Variants in CAMTA1 observed in about 807,000 individuals in gnomAD.
CAMTA1 encodes the protein calmodulin binding transcription activator 1.
Under a neutral mutation model 170.9 loss-of-function variants are expected in CAMTA1, and 27 were observed. The observed-to-expected ratio is 0.16, with a 90% confidence interval of 0.12 to 0.22. The LOEUF is 0.22. Ranked by LOEUF, CAMTA1 falls within the 10% of genes least tolerant of loss-of-function variation. The pLI, the probability that CAMTA1 is intolerant of heterozygous loss-of-function variation, is 1.00. For missense variants in CAMTA1, 1,619 were observed against 2,217.2 expected, an observed-to-expected ratio of 0.73 and a Z score of 5.42; for synonymous variants, 833 against 891.5, an observed-to-expected ratio of 0.93 and a Z score of 1.17.
rs533118972 is a variant in CAMTA1, at chr1:7,493,308, C to T, written c.510+25407C>T. On this transcript the variant is annotated intron_variant, in intron 6 of 22. Coordinates refer to ENST00000303635, the MANE Select transcript of CAMTA1 (RefSeq NM_015215.4). ...GCGCACAAACACAAACATACAAATG[C>T]GCACACAAACAAACCTACGTACACA... Among the ~76,000 whole-genome samples, 428 of 81,028 alleles carry T rather than the reference C, an allele frequency of 5.3e-3. 7 individuals are homozygous for T. Among genetic ancestry groups the T allele is most frequent in the African/African-American group, 0.031 (384 of 12,586 alleles). The allele number at this position is 81,028 out of a possible 152,430, so 53.2% of individuals were successfully genotyped here.
intron 3 of CAMTA1, among the ~76,000 whole-genome samples, chr1:7,084,017 C>T (rs995614801): frequency 6.6e-6 from 1 of 151,738 alleles, no homozygotes. Flanking sequence ...CAGATAAAAC[C>T]CTTATGCAGA....
At chr1:7,507,109 C>G (rs915175678) in intron 6 of CAMTA1, among the ~76,000 whole-genome samples, 3 of 151,982 alleles carry the variant, frequency 2.0e-5, no homozygotes, top group Admixed American at 2.0e-4. Flanking sequence ...CTTACATGCT[C>G]ACCCTCTAAC....
intron 5 of CAMTA1, among the ~76,000 whole-genome samples, chr1:7,256,110 G>A (rs1371732966): frequency 6.6e-6 from 1 of 152,166 alleles, no homozygotes; most frequent in Non-Finnish European, 1.5e-5. Context: ...CTGTTACCTG[G>A]ATGTGTTTTG....
intron 4 of CAMTA1, among the ~76,000 whole-genome samples, chr1:7,214,577 G>A (rs1407027730): frequency 2.0e-5 from 3 of 152,050 alleles, no homozygotes; most frequent in African/African-American, 7.2e-5. Context: ...CACGTTAGCC[G>A]GGATGGTCTT....
intron 5 of CAMTA1, among the ~76,000 whole-genome samples, chr1:7,413,097 T>G (rs1331228054): frequency 1.3e-5 from 2 of 151,018 alleles, no homozygotes; most frequent in Non-Finnish European, 3.0e-5. Context: ...AGGGCTCTGT[T>G]CTGTTCCATT....
intron 5 of CAMTA1, among the ~76,000 whole-genome samples, chr1:7,349,968 G>A (rs1013038987): frequency 1.3e-5 from 2 of 152,162 alleles, no homozygotes; most frequent in Non-Finnish European, 2.9e-5. Context: ...GAAGGGAAGA[G>A]GGATGGGGTC....
rs1440749282 is a variant in CAMTA1, at chr1:7,611,240, A to AT, written c.511-29157dup. Among the ~76,000 whole-genome samples, 8 of 152,214 alleles carry AT rather than the reference A, an allele frequency of 5.3e-5. No homozygotes were observed. In the East Asian group the frequency reaches 1.5e-3, roughly 29 times the overall value. On this transcript the variant is annotated intron_variant, in intron 6 of 22. Coordinates refer to ENST00000303635, the MANE Select transcript of CAMTA1 (RefSeq NM_015215.4). Reference sequence around the variant, plus strand: ...CTGGGGGGCTGCTGAGTCTGTGTTTATTTATCACGTTGATATTTTGTTCAT... The same window carrying AT: ...CTGGGGGGCTGCTGAGTCTGTGTTTATTTTATCACGTTGATATTTTGTTCAT...
Position 7,234,889 on chromosome 1 carries a change from C to T in CAMTA1, c.303-14602C>T, listed in dbSNP as rs777761776. On this transcript the variant is annotated intron_variant, in intron 4 of 22. Transcript: ENST00000303635. This position sits in a 1 kb window ranked among gnomAD's most constrained non-coding sequence, Gnocchi z 5.0. The stretch of plus-strand genomic sequence containing the variant: ...GCAACCTCCACTTCCCAGGTTCAAG[C>T]GATTCTTGCACCTCAGCCTCATGAG... Among the ~76,000 whole-genome samples, 1 of 150,658 alleles carries T rather than the reference C, an allele frequency of 6.6e-6. No homozygotes were observed. Among genetic ancestry groups the T allele is most frequent in the Admixed American group, 6.6e-5 (1 of 15,040 alleles).
chr1:6,932,675 A>G (rs1443546421), intron 3 of CAMTA1, among the ~76,000 whole-genome samples: 1 of 152,114 alleles, frequency 6.6e-6, no homozygotes, highest in Non-Finnish European at 1.5e-5. Flanking sequence ...AGTCTTTGTC[A>G]TTTTAGCCAT....
chr1:7,325,237 C>A lies in CAMTA1; in HGVS notation c.438+75611C>A, dbSNP rs535465850. Among the ~76,000 whole-genome samples the A allele has an allele frequency of 6.6e-6, 1 of 152,008 alleles. No individual in the cohort carries two copies. Among genetic ancestry groups the A allele is most frequent in the African/African-American group, 2.4e-5 (1 of 41,368 alleles). ...ACAGATTCTAAACAATAAACATCCA[C>A]GAGGAAATGATAGAAGATATCAGAA... On this transcript the variant is annotated intron_variant, in intron 5 of 22. Transcript: ENST00000303635. This position sits in a 1 kb window ranked among gnomAD's most constrained non-coding sequence, Gnocchi z 5.0.
At chr1:6,942,280 C>A (rs1031535057) in intron 3 of CAMTA1, among the ~76,000 whole-genome samples, 5 of 152,172 alleles carry the variant, frequency 3.3e-5, no homozygotes, top group Non-Finnish European at 5.9e-5. Flanking sequence ...GTGACATTAA[C>A]CTTATATATG....
intron 6 of CAMTA1, among the ~76,000 whole-genome samples, chr1:7,567,889 G>A (rs747964936): frequency 2.6e-5 from 4 of 152,188 alleles, no homozygotes; most frequent in Non-Finnish European, 4.4e-5. Flanking sequence ...TTAACCATTT[G>A]TCCTCAGGTA....
At position 7,641,363 on chromosome 1, in the gene CAMTA1, C is replaced by A. The variant is rs182649184; in HGVS notation, c.664+810C>A. On this transcript the variant is annotated intron_variant, in intron 7 of 22. Transcript: ENST00000303635. This position sits in a 1 kb window ranked among gnomAD's most constrained non-coding sequence, Gnocchi z 4.5. Reference sequence around the variant, plus strand: ...GGGCAAGGACCTGCCATCAGCAGGGCCTGAGGGGGTGGGTCAGTGGCTCAC... The same window carrying A: ...GGGCAAGGACCTGCCATCAGCAGGGACTGAGGGGGTGGGTCAGTGGCTCAC... 1.3e-5 allele frequency among the ~76,000 whole-genome samples: 2 copies of A among 152,280 alleles called. No individual in the cohort carries two copies. Among genetic ancestry groups the A allele is most frequent in the African/African-American group, 4.8e-5 (2 of 41,558 alleles).
intron 3 of CAMTA1, among the ~76,000 whole-genome samples, chr1:6,836,950 T>TG (rs1184697292): frequency 6.6e-6 from 1 of 151,474 alleles, no homozygotes; most frequent in Non-Finnish European, 1.5e-5. Context: ...GTTCTTTTTT[T>TG]TTTTTTTTTG....
chr1:6,810,941 A>G (rs890098399), intron 1 of CAMTA1, among the ~76,000 whole-genome samples: 3 of 152,322 alleles, frequency 2.0e-5, no homozygotes, highest in South Asian at 4.1e-4. Flanking sequence ...GAGGATGCAG[A>G]TGGAAAAACG....
intron 1 of CAMTA1, among the ~76,000 whole-genome samples, chr1:6,792,453 A>G (rs934562569): frequency 6.6e-6 from 1 of 151,738 alleles, no homozygotes; most frequent in Non-Finnish European, 1.5e-5. Context: ...TCCTGTGTAA[A>G]GATTGGTACT....
intron 6 of CAMTA1, among the ~76,000 whole-genome samples, chr1:7,593,593 G>A (rs576528445): frequency 1.9e-4 from 29 of 150,850 alleles, no homozygotes; most frequent in East Asian, 6.0e-4. Context: ...GGGTTCAAGC[G>A]ATTCTCCTGC....
In CAMTA1 at chr1:6,887,671, G is replaced by A; in HGVS notation, c.234+62461G>A. The A allele has an allele frequency of 6.5e-7, 1 of 1,535,268 alleles. No homozygotes were observed. The highest frequency in any genetic ancestry group is 2.4e-5 in the East Asian group (1 of 40,906). On this transcript the variant is annotated intron_variant, in intron 3 of 22. Coordinates refer to ENST00000303635, the MANE Select transcript of CAMTA1 (RefSeq NM_015215.4). The surrounding 1 kb of genome is among the most constrained non-coding windows in gnomAD (Gnocchi z 4.1). ...TATTTCAGGCTCTCACCACACACTT[G>A]TTCATGGGCGCAGCAAAGAAGAGGG...
At chr1:7,105,494 A>G (rs903382215) in intron 4 of CAMTA1, among the ~76,000 whole-genome samples, 15 of 152,304 alleles carry the variant, frequency 9.8e-5, no homozygotes, top group African/African-American at 3.6e-4. Context: ...GCAGAGGCGG[A>G]TCTGCGGCCT....
Sources: allele counts gnomAD v4.1 joint callset (sites outside exome capture counted in the v4.1 genomes callset), GRCh38; gene constraint gnomAD v4.1.1; non-coding constraint Gnocchi (gnomAD v3.1); transcripts MANE v1.5; gene names NCBI Gene and HGNC (gene_info 2026-07-23, HGNC 2026-07-21).